SLAMF6: variants seen among roughly 807,000 people sequenced by gnomAD.
SLAMF6 encodes the protein NK-T-B-antigen.
SLAMF6 carries 21 observed loss-of-function variants against 38.3 expected under a neutral mutation model. That is an observed-to-expected ratio of 0.55 (90% CI 0.39 to 0.79). The LOEUF is 0.79. Among genes scored for constraint, SLAMF6 ranks in the 30% least tolerant of loss-of-function variants. SLAMF6 has a pLI of 0.00. For synonymous variants in SLAMF6, 152 were observed against 146.3 expected (o/e 1.04, Z -0.28); for missense variants, 341 against 385.3 (o/e 0.89, Z 0.96).
chr1:160,490,987 G>A (rs1366678835), intron 3 of SLAMF6, 138 bp downstream of exon 3: 4 of 1,096,666 alleles, frequency 3.6e-6, no homozygotes, highest in Admixed American at 2.1e-5. Flanking sequence ...GAGATGCAGA[G>A]CTCCAGAGGG....
intron 1 of SLAMF6, among the ~76,000 whole-genome samples, chr1:160,510,692 A>AT (rs1205216242): frequency 1.3e-5 from 2 of 152,198 alleles, no homozygotes; most frequent in Non-Finnish European, 2.9e-5. Flanking sequence ...AACAGTGCCC[A>AT]GTCTCACCAC....
At chr1:160,505,264 G>A (rs3903888) in intron 1 of SLAMF6, among the ~76,000 whole-genome samples, 138,501 of 152,268 alleles carry the variant, frequency 0.91, 63,154 homozygotes, top group Non-Finnish European at 0.93. Flanking sequence ...ATCATATTAT[G>A]GTATTAAAAA....
intron 6 of SLAMF6, 151 bp downstream of exon 6, chr1:160,488,937 G>A: frequency 1.5e-6 from 1 of 678,486 alleles, no homozygotes; most frequent in Non-Finnish European, 2.7e-6. Flanking sequence ...ACACCAGAGT[G>A]GTCTAGCGCA....
intron 1 of SLAMF6, among the ~76,000 whole-genome samples, chr1:160,508,638 CA>C (rs1654315687): frequency 6.6e-6 from 1 of 152,134 alleles, no homozygotes; most frequent in African/African-American, 2.4e-5. Context: ...GCAATGGCAA[CA>C]AAAGCCAAAA....
intron 2 of SLAMF6, among the ~76,000 whole-genome samples, chr1:160,492,378 C>G (rs1653350030): frequency 6.6e-6 from 1 of 152,094 alleles, no homozygotes; most frequent in Non-Finnish European, 1.5e-5. Context: ...GATTTGGAGT[C>G]AAGACCTGAA....
At chr1:160,508,960 T>A (rs1038514066) in intron 1 of SLAMF6, among the ~76,000 whole-genome samples, 2 of 152,244 alleles carry the variant, frequency 1.3e-5, no homozygotes, top group Admixed American at 6.5e-5. Context: ...TGAGATACCA[T>A]CTCACACCAG....
intron 1 of SLAMF6, among the ~76,000 whole-genome samples, chr1:160,521,704 C>T (rs1045739266): frequency 6.6e-5 from 10 of 152,254 alleles, no homozygotes; most frequent in South Asian, 6.2e-4. Flanking sequence ...GGATCCTCCA[C>T]GTAACTTCCT....
chr1:160,491,534 T>C (rs1653301069), intron 2 of SLAMF6, 146 bp from the exon 3 acceptor site: 1 of 1,162,294 alleles, frequency 8.6e-7, no homozygotes, highest in Non-Finnish European at 1.2e-6. Flanking sequence ...TCTGCTTATA[T>C]TGCCTAATTG....
At chr1:160,488,081 A>T (rs1571278042) in intron 6 of SLAMF6, among the ~76,000 whole-genome samples, 1 of 146,106 alleles carries the variant, frequency 6.8e-6, no homozygotes, top group Admixed American at 6.9e-5. Flanking sequence ...ACAGAGTGAC[A>T]CTCTGTCTCA....
chr1:160,493,261 G>A (rs774346143), intron 2 of SLAMF6, among the ~76,000 whole-genome samples: 17 of 152,174 alleles, frequency 1.1e-4, no homozygotes, highest in Middle Eastern at 3.4e-3. Flanking sequence ...CTATCTATGC[G>A]GATGGCGTGT....
At chr1:160,498,240 CA>C (rs1317381383) in intron 1 of SLAMF6, among the ~76,000 whole-genome samples, 4 of 151,634 alleles carry the variant, frequency 2.6e-5, no homozygotes. Flanking sequence ...TACAAAAATA[CA>C]AAAAAGTGTA....
intron 6 of SLAMF6, among the ~76,000 whole-genome samples, chr1:160,487,724 G>A (rs928912185): frequency 6.6e-6 from 1 of 152,168 alleles, no homozygotes; most frequent in East Asian, 1.9e-4. Context: ...AATAGCAGAA[G>A]TCCCTACGGC....
At chr1:160,512,915 A>G (rs909490418) in intron 1 of SLAMF6, among the ~76,000 whole-genome samples, 3 of 152,226 alleles carry the variant, frequency 2.0e-5, no homozygotes, top group African/African-American at 7.2e-5. Context: ...GAAAGAATCA[A>G]TAAAAAATGC....
At chr1:160,515,905 A>C (rs1654717074) in intron 1 of SLAMF6, among the ~76,000 whole-genome samples, 1 of 152,208 alleles carries the variant, frequency 6.6e-6, no homozygotes, top group South Asian at 2.1e-4. Flanking sequence ...ATTATACTGA[A>C]TGGGCAAAAC....
chr1:160,503,990 C>G (rs1478683499), intron 1 of SLAMF6, among the ~76,000 whole-genome samples: 2 of 129,820 alleles, frequency 1.5e-5, no homozygotes, highest in African/African-American at 2.9e-5. Context: ...TGCACTCCAG[C>G]CTGGGTGACA....
At chr1:160,502,225 G>C (rs1024724347) in intron 1 of SLAMF6, among the ~76,000 whole-genome samples, 2 of 152,168 alleles carry the variant, frequency 1.3e-5, no homozygotes, top group African/African-American at 2.4e-5. Context: ...CATCCTGTGT[G>C]GGGGACTAGA....
chr1:160,494,827 T>A (rs915104872), intron 2 of SLAMF6, among the ~76,000 whole-genome samples: 2 of 152,112 alleles, frequency 1.3e-5, no homozygotes, highest in Admixed American at 6.5e-5. Context: ...ACACTGTGAT[T>A]TTGGACTTCT....
At chr1:160,490,937 G>C (rs551805313) in intron 3 of SLAMF6, among the ~76,000 whole-genome samples, 188 bp downstream of exon 3, 32 of 152,264 alleles carry the variant, frequency 2.1e-4, no homozygotes, top group Admixed American at 6.5e-4. Context: ...AGGGGTTGGG[G>C]AATGGAGAGG....
chr1:160,503,534 A>T (rs79433184), intron 1 of SLAMF6, among the ~76,000 whole-genome samples: 1,896 of 152,288 alleles, frequency 0.012, 15 homozygotes, highest in Middle Eastern at 0.031. Flanking sequence ...TATTAGCAAT[A>T]GGCATAGTAT....
Sources: gnomAD v4.1 joint callset for allele counts (sites outside exome capture counted in the v4.1 genomes callset) on GRCh38, gnomAD v4.1.1 for gene constraint, MANE v1.5 for transcripts, NCBI Gene and HGNC (gene_info 2026-07-23, HGNC 2026-07-21) for gene names.